The following BRCA1 variants were observed in gnomAD, a reference collection of about 807,000 sequenced individuals.
BRCA1 encodes the protein BRCA1 DNA repair associated.
A neutral mutation model predicts 173.7 loss-of-function variants in BRCA1; 140 were observed. The observed-to-expected ratio is 0.81, with a 90% CI of 0.70 to 0.93. The LOEUF (loss-of-function observed/expected upper bound fraction) is 0.93. BRCA1 is among the 40% of genes least tolerant of loss of function. The pLI is 0.00. For missense variants in BRCA1, 1,983 were observed against 2,172.5 expected (o/e 0.91, Z 1.73); for synonymous variants, 662 against 756.0 (o/e 0.88, Z 2.04).
chr17:43,109,526 T>C (rs1010570032), intron 3 of BRCA1, among the ~76,000 whole-genome samples: 2 of 152,152 alleles, frequency 1.3e-5, no homozygotes, highest in Non-Finnish European at 1.5e-5. Context: ...CCGATATAGA[T>C]GCTTCAAGTA....
intron 12 of BRCA1, among the ~76,000 whole-genome samples, chr17:43,082,157 A>G (rs1388719618): frequency 6.6e-6 from 1 of 152,210 alleles, no homozygotes; most frequent in African/African-American, 2.4e-5. Flanking sequence ...TATACCATGT[A>G]TCTTCCATGG....
At chr17:43,111,237 T>A (rs1477366366) in intron 3 of BRCA1, among the ~76,000 whole-genome samples, 1 of 151,340 alleles carries the variant, frequency 6.6e-6, no homozygotes, top group Non-Finnish European at 1.5e-5. Flanking sequence ...ATTTCAGAAC[T>A]GGCTGGGCAA....
intron 1 of BRCA1, chr17:43,142,515 C>G (rs1215143748): frequency 2.0e-5 from 3 of 152,214 alleles, no homozygotes; most frequent in African/African-American, 7.2e-5. Context: ...AAAACCGTAA[C>G]TTGTCGTTTT....
rs965866147 is a variant in BRCA1, at chr17:43,045,049, C to G, written c.*629G>C. 2.0e-6 allele frequency: 1 copy of G among 512,638 alleles called. No individual in the cohort carries two copies. Among genetic ancestry groups the G allele is most frequent in the African/African-American group, 1.9e-5 (1 of 52,536 alleles). 31.8% of individuals were successfully genotyped at this position (512,638 alleles called of 1,614,324 possible). A position where few individuals can be genotyped will look rare whatever the true frequency, so the allele number is the denominator to read the frequency against. ...GAACTCCTGACCTCCAGTGATCTGC[C>G]CACCTTGGCCTCCCAAAGTGCTGGG... is the stretch of plus-strand genomic sequence containing the variant. On this transcript the variant is annotated 3_prime_UTR_variant, in exon 23 of 23. Coordinates refer to ENST00000357654, the MANE Select transcript of BRCA1 (RefSeq NM_007294.4).
At chr17:43,061,748 A>G (rs938028403) in intron 18 of BRCA1, among the ~76,000 whole-genome samples, 2 of 151,872 alleles carry the variant, frequency 1.3e-5, no homozygotes, top group Admixed American at 6.6e-5. Context: ...ACGCTCGACT[A>G]ATTTTTTTGT....
chr17:43,125,357 G>C lies in BRCA1; in HGVS notation c.-106C>G, dbSNP rs527449526. 64 of 425,466 alleles carry C rather than the reference G, an allele frequency of 1.5e-4. No homozygotes were observed. Among genetic ancestry groups the C allele is most frequent in the African/African-American group, 1.3e-3 (64 of 48,828 alleles). The allele number at this position is 425,466 out of a possible 1,614,324, so 26.4% of individuals were successfully genotyped here. The stretch of plus-strand genomic sequence containing the variant: ...CCACAGCCTGTCCCCCGTCCAGGAA[G>C]TCTCAGCGAGCTCACGCCGCGCAGT... On this transcript the variant is annotated 5_prime_UTR_variant, in exon 1 of 23. Transcript: ENST00000357654.
chr17:43,134,111 C>T (rs1224482649), intron 1 of BRCA1, among the ~76,000 whole-genome samples: 2 of 152,248 alleles, frequency 1.3e-5, no homozygotes, highest in African/African-American at 4.8e-5. Context: ...AAGTTCTCCT[C>T]TCTGGTCCCT....
intron 6 of BRCA1, among the ~76,000 whole-genome samples, chr17:43,102,984 C>G (rs2054560527): frequency 6.6e-6 from 1 of 150,808 alleles, no homozygotes; most frequent in Admixed American, 6.6e-5. Context: ...CAGTGTCTCA[C>G]TGTGTTGCCC....
chr17:43,139,088 T>G (rs1166105901), intron 1 of BRCA1, among the ~76,000 whole-genome samples: 1 of 152,072 alleles, frequency 6.6e-6, no homozygotes. Context: ...TAAGAAGAAA[T>G]ATACATTTGG....
intron 18 of BRCA1, 72 bp from the exon 19 acceptor site, chr17:43,057,207 A>G: frequency 6.7e-7 from 1 of 1,484,222 alleles, no homozygotes; most frequent in Admixed American, 1.7e-5. Flanking sequence ...TGGAGCAGAC[A>G]CGTCATATTT....
At chr17:43,114,848 C>T (rs1486417468) in intron 3 of BRCA1, among the ~76,000 whole-genome samples, 1 of 152,170 alleles carries the variant, frequency 6.6e-6, no homozygotes. Flanking sequence ...AGAAAGCCCA[C>T]TTGTTCTACT....
At chr17:43,111,190 T>G (rs1156854191) in intron 3 of BRCA1, among the ~76,000 whole-genome samples, 1 of 151,974 alleles carries the variant, frequency 6.6e-6, no homozygotes, top group Non-Finnish European at 1.5e-5. Flanking sequence ...ATTTTCTAGA[T>G]TGGTATTATT....
chr17:43,050,844 C>T (rs917477978), intron 20 of BRCA1, among the ~76,000 whole-genome samples: 11 of 152,174 alleles, frequency 7.2e-5, no homozygotes, highest in African/African-American at 2.7e-4. Context: ...TAACTATTAA[C>T]CACCTTCATG....
At chr17:43,129,622 C>T (rs1419834159), upstream of BRCA1, among the ~76,000 whole-genome samples, 1 of 152,110 alleles carries the variant, frequency 6.6e-6, no homozygotes, top group Admixed American at 6.5e-5. Flanking sequence ...TACAGGCACC[C>T]GCCATCACGC....
intron 3 of BRCA1, among the ~76,000 whole-genome samples, chr17:43,113,582 T>A (rs2055134136): frequency 6.6e-6 from 1 of 151,972 alleles, no homozygotes; most frequent in Admixed American, 6.6e-5. Flanking sequence ...TTGGCCAGGA[T>A]GGTCTTAATT....
intron 16 of BRCA1, 180 bp downstream of exon 16, chr17:43,067,428 T>C: frequency 2.0e-6 from 1 of 505,170 alleles, no homozygotes; most frequent in Admixed American, 3.2e-5. Context: ...CTAATTTTTT[T>C]ATTTTTTAGT....
intron 20 of BRCA1, 149 bp downstream of exon 20, chr17:43,050,914 G>T: frequency 2.5e-6 from 2 of 791,756 alleles, no homozygotes; most frequent in Non-Finnish European, 2.1e-6. Context: ...TTTAGGTGCT[G>T]TTTTGTTTGG....
chr17:43,135,417 C>T (rs772653803), intron 1 of BRCA1, among the ~76,000 whole-genome samples: 4 of 152,348 alleles, frequency 2.6e-5, no homozygotes, highest in East Asian at 1.9e-4. Flanking sequence ...TGCATGCACC[C>T]GCTCCTTTAT....
intron 19 of BRCA1, among the ~76,000 whole-genome samples, chr17:43,054,354 T>C (rs1420315261): frequency 2.0e-5 from 3 of 152,230 alleles, no homozygotes; most frequent in Non-Finnish European, 4.4e-5. Flanking sequence ...TTTGTGATCA[T>C]GTCCCAAAGC....
Sources: gnomAD v4.1 joint callset for allele counts (sites outside exome capture counted in the v4.1 genomes callset) on GRCh38, gnomAD v4.1.1 for gene constraint, MANE v1.5 for transcripts, NCBI Gene and HGNC (gene_info 2026-07-23, HGNC 2026-07-21) for gene names.